VPS4A: variants seen among roughly 807,000 people sequenced by gnomAD.
VPS4A encodes the protein vacuolar protein sorting 4 homolog A.
In VPS4A, 20 loss-of-function variants were observed where a neutral mutation model predicts 52.3. The observed-to-expected ratio is 0.38, with a 90% CI of 0.27 to 0.56. VPS4A has a LOEUF of 0.56. Ranked by LOEUF, VPS4A falls within the 20% of genes least tolerant of loss-of-function variation. VPS4A has a pLI of 0.72. For synonymous variants in VPS4A, 293 were observed against 227.7 expected, an observed-to-expected ratio of 1.29 and a Z score of -2.58; for missense variants, 419 against 575.9, an observed-to-expected ratio of 0.73 and a Z score of 2.79.
chr16:69,320,614 G>A lies in VPS4A; in HGVS notation c.770-74G>A, dbSNP rs770980544. 5.4e-5 allele frequency: 71 copies of A among 1,324,108 alleles called. No individual in the cohort carries two copies. Among genetic ancestry groups the A allele is most frequent in the South Asian group, 1.9e-4 (14 of 75,480 alleles). The allele number at this position is 1,324,108 out of a possible 1,614,324, so 82.0% of individuals were successfully genotyped here. On this transcript the variant is annotated intron_variant, in intron 7 of 10. Transcript: ENST00000254950. This position sits in a 1 kb window ranked among gnomAD's most constrained non-coding sequence, Gnocchi z 4.2. The stretch of plus-strand genomic sequence containing the variant: ...TCAATTGCTGACACACAAAGCCCCC[G>A]GGGTCTGTCCCCAGGTTTCAACTGA...
chr16:69,321,416 T>G lies in VPS4A; in HGVS notation c.1071+146T>G. 1.1e-5 allele frequency: 9 copies of G among 848,144 alleles called. No homozygotes were observed. In the South Asian group the frequency reaches 1.2e-4, roughly 12 times the overall value. The allele number at this position is 848,144 out of a possible 1,614,324, so 52.5% of individuals were successfully genotyped here. On this transcript the variant is annotated intron_variant, in intron 9 of 10. Transcript: ENST00000254950. This position sits in a 1 kb window ranked among gnomAD's most constrained non-coding sequence, Gnocchi z 4.5. The stretch of plus-strand genomic sequence containing the variant: ...CCTGGAGAGCCGAGGGCCAGTGCCA[T>G]GGGGGCTGCACCCACTGTCCCCTCC...
At position 69,318,802 on chromosome 16, in the gene VPS4A, G is replaced by C. The variant is rs764224645; in HGVS notation, c.344-21G>C. On this transcript the variant is annotated intron_variant, in intron 4 of 10. Transcript: ENST00000254950. ...ATGCCCCTTGGCCGGGCCCGGGCCCGGGCCGGCCTCCCTCTCGCAGGTGCC... is the reference window on the plus strand; with the variant it reads ...ATGCCCCTTGGCCGGGCCCGGGCCCCGGCCGGCCTCCCTCTCGCAGGTGCC... The C allele has an allele frequency of 6.8e-6, 11 of 1,611,742 alleles. No homozygotes were observed. In the Admixed American group the frequency reaches 1.2e-4, roughly 17 times the overall value.
In VPS4A at chr16:69,322,673, C is replaced by A; in HGVS notation, c.1185C>A (p.Asp395Glu). 1 of 1,613,784 alleles carries A rather than the reference C, an allele frequency of 6.2e-7. No individual in the cohort carries two copies. Among genetic ancestry groups the A allele is most frequent in the Non-Finnish European group, 8.5e-7 (1 of 1,179,766 alleles). The change falls in exon 10 of 11, where the codon GAC (aspartate) becomes GAA (glutamate). Residue 395 changes from aspartate to glutamate, a missense_variant. Asp to Glu is a conservative substitution (Grantham distance 45). Transcript: ENST00000254950. ...MEMTWMDVPG[D>E]KLLEPVVCMS... ...TGACTTGGATGGATGTCCCTGGGGA[C>A]AAACTCTTAGAGCCTGTGGTTTGCA...
chr16:69,320,427 G>C lies in VPS4A; in HGVS notation c.769+138G>C, dbSNP rs1965496527. On this transcript the variant is annotated intron_variant, in intron 7 of 10. Coordinates refer to ENST00000254950, the MANE Select transcript of VPS4A (RefSeq NM_013245.3). This position sits in a 1 kb window ranked among gnomAD's most constrained non-coding sequence, Gnocchi z 4.2. Reference sequence around the variant, plus strand: ...CCAGCTCCAGCCCCTCAGGGCACGGGTGGACTTCAATTCCCAAGAGGTGCC... The same window carrying C: ...CCAGCTCCAGCCCCTCAGGGCACGGCTGGACTTCAATTCCCAAGAGGTGCC... 3 of 1,294,596 alleles carry C rather than the reference G, an allele frequency of 2.3e-6. No individual in the cohort carries two copies. In the South Asian group the frequency reaches 4.5e-5, roughly 19 times the overall value. The allele number at this position is 1,294,596 out of a possible 1,614,324, so 80.2% of individuals were successfully genotyped here.
In VPS4A at chr16:69,320,033, C is replaced by T; in HGVS notation, c.621-108C>T. 3 of 1,425,240 alleles carry T rather than the reference C, an allele frequency of 2.1e-6. No individual in the cohort carries two copies. The highest frequency in any genetic ancestry group is 2.8e-6 in the Non-Finnish European group (3 of 1,060,102). 88.3% of individuals were successfully genotyped at this position (1,425,240 alleles called of 1,614,324 possible). On this transcript the variant is annotated intron_variant, in intron 6 of 10. Transcript: ENST00000254950. This position sits in a 1 kb window ranked among gnomAD's most constrained non-coding sequence, Gnocchi z 4.2. ...CACGTTTTCCGCAATTCCGGCATGA[C>T]CGTGGCCTGCGCCTCCCTGTGGGAA...
At chr16:69,313,984 TC>T (rs1299846036) in intron 1 of VPS4A, among the ~76,000 whole-genome samples, 1 of 144,482 alleles carries the variant, frequency 6.9e-6, no homozygotes, top group Non-Finnish European at 1.5e-5. Context: ...TCCAGTGCAC[TC>T]TTTTTTTTTT....
chr16:69,322,782 TCTC>T (rs1965530060), intron 10 of VPS4A, 82 bp downstream of exon 10: 1 of 1,511,314 alleles, frequency 6.6e-7, no homozygotes, highest in Non-Finnish European at 8.9e-7. Flanking sequence ...AAAACGGTCT[TCTC>T]CAGGCCAGGC....
At chr16:69,312,751 T>TA (rs1965391964) in intron 1 of VPS4A, among the ~76,000 whole-genome samples, 1 of 152,002 alleles carries the variant, frequency 6.6e-6, no homozygotes, top group Admixed American at 6.6e-5. Flanking sequence ...TAGCTGGGAT[T>TA]ACGGGCACCC....
In VPS4A at chr16:69,321,447, G is replaced by C; in HGVS notation, c.1071+177G>C. ...CTGCACCCACTGTCCCCTCCCTGCA[G>C]CTCTTCTGGAGTGTGGCCATCTCAG... On this transcript the variant is annotated intron_variant, in intron 9 of 10. Coordinates refer to ENST00000254950, the MANE Select transcript of VPS4A (RefSeq NM_013245.3). The surrounding 1 kb of genome is among the most constrained non-coding windows in gnomAD (Gnocchi z 4.5). 1.5e-6 allele frequency: 1 copy of C among 676,390 alleles called. No homozygotes were observed. The highest frequency in any genetic ancestry group is 2.5e-6 in the Non-Finnish European group (1 of 404,036). The allele number at this position is 676,390 out of a possible 1,614,324, so 41.9% of individuals were successfully genotyped here. A position where few individuals can be genotyped will look rare whatever the true frequency, so the allele number is the denominator to read the frequency against.
In VPS4A at chr16:69,324,259, G is replaced by A. The variant is rs1268233174; in HGVS notation, c.1264G>A (p.Asp422Asn). Residue 422 changes from aspartate to asparagine, a missense_variant, in exon 11 of 11, where the codon GAC becomes AAC. Around this residue, in one of 3 missense-constraint regions of VPS4A, gnomAD observed 185 missense variants for 200.2 expected, o/e 0.92. Coordinates refer to ENST00000254950, the MANE Select transcript of VPS4A (RefSeq NM_013245.3). Reference sequence around the variant, plus strand: ...CACCCGGCCCACGGTGAATGCAGACGACCTCCTGAAAGTGAAGAAATTCTC... The same window carrying A: ...CACCCGGCCCACGGTGAATGCAGACAACCTCCTGAAAGTGAAGAAATTCTC... ...ATTRPTVNADDLLKVKKFSED... is the reference protein window; with the variant it reads ...ATTRPTVNADNLLKVKKFSED... The A allele has an allele frequency of 1.2e-6, 2 of 1,613,924 alleles. No individual in the cohort carries two copies. Among genetic ancestry groups the A allele is most frequent in the Admixed American group, 1.7e-5 (1 of 60,016 alleles).
In VPS4A at chr16:69,321,372, GAC is replaced by G. The variant is rs1172103081; in HGVS notation, c.1071+106_1071+107del. ...GGTCCTGCTCCCCGGCTGCTCAGGT[GAC>G]ACAGTCTCTGAGGCCTCCTGGAGAG... is the stretch of plus-strand genomic sequence containing the variant. On this transcript the variant is annotated intron_variant, in intron 9 of 10. Coordinates refer to ENST00000254950, the MANE Select transcript of VPS4A (RefSeq NM_013245.3). The surrounding 1 kb of genome is among the most constrained non-coding windows in gnomAD (Gnocchi z 4.5). 1.4e-5 allele frequency: 19 copies of G among 1,331,840 alleles called. No homozygotes were observed. Among genetic ancestry groups the G allele is most frequent in the Admixed American group, 6.2e-5 (3 of 48,048 alleles). 82.5% of individuals were successfully genotyped at this position (1,331,840 alleles called of 1,614,324 possible).
chr16:69,320,413 C>T lies in VPS4A; in HGVS notation c.769+124C>T. The T allele has an allele frequency of 7.1e-7, 1 of 1,399,222 alleles. No individual in the cohort carries two copies. Among genetic ancestry groups the T allele is most frequent in the Non-Finnish European group, 9.7e-7 (1 of 1,033,138 alleles). The allele number at this position is 1,399,222 out of a possible 1,614,324, so 86.7% of individuals were successfully genotyped here. A position where few individuals can be genotyped will look rare whatever the true frequency, so the allele number is the denominator to read the frequency against. On this transcript the variant is annotated intron_variant, in intron 7 of 10. Coordinates refer to ENST00000254950, the MANE Select transcript of VPS4A (RefSeq NM_013245.3). The surrounding 1 kb of genome is among the most constrained non-coding windows in gnomAD (Gnocchi z 4.2). ...CGGAGAGGCACTCCCCAGCTCCAGC[C>T]CCTCAGGGCACGGGTGGACTTCAAT...
rs1965510876 is a variant in VPS4A at position 69,321,460 on chromosome 16, G to A, written c.1071+190G>A. 4.7e-6 allele frequency: 3 copies of A among 644,076 alleles called. No homozygotes were observed. The highest frequency in any genetic ancestry group is 8.0e-6 in the Non-Finnish European group (3 of 377,134). 39.9% of individuals were successfully genotyped at this position (644,076 alleles called of 1,614,324 possible). On this transcript the variant is annotated intron_variant, in intron 9 of 10. Transcript: ENST00000254950. The surrounding 1 kb of genome is among the most constrained non-coding windows in gnomAD (Gnocchi z 4.5). ...CCCCTCCCTGCAGCTCTTCTGGAGTGTGGCCATCTCAGGGTGTGTGAAAGC... is the reference window on the plus strand; with the variant it reads ...CCCCTCCCTGCAGCTCTTCTGGAGTATGGCCATCTCAGGGTGTGTGAAAGC...
In VPS4A at chr16:69,316,255, G is replaced by A. The variant is rs1287016570; in HGVS notation, c.164G>A (p.Ser55Asn). ...GCCCACAGCGACAAGGCCAAGGAGA[G>A]CATTCGAGCCAAGTGCGTGCAGTAC... ...YEAHSDKAKE[S>N]IRAKCVQYLD... Residue 55 changes from serine to asparagine, a missense_variant, in exon 3 of 11, where the codon AGC (serine) becomes AAC (asparagine). Physicochemically the swap from Ser to Asn is conservative, Grantham distance 46 (BLOSUM62 1). This residue lies in a region of VPS4A where 131 missense variants were observed against 165.4 expected (regional missense o/e 0.79). Transcript: ENST00000254950. The A allele has an allele frequency of 3.7e-6, 6 of 1,613,754 alleles. No homozygotes were observed. Among genetic ancestry groups the A allele is most frequent in the African/African-American group, 2.7e-5 (2 of 75,030 alleles).
In VPS4A at chr16:69,311,425, C is replaced by T. The variant is rs1048018845; in HGVS notation, c.-87C>T. 8.2e-7 allele frequency: 1 copy of T among 1,217,054 alleles called. No individual in the cohort carries two copies. The highest frequency in any genetic ancestry group is 1.6e-5 in the African/African-American group (1 of 63,122). The allele number at this position is 1,217,054 out of a possible 1,614,324, so 75.4% of individuals were successfully genotyped here. ...GCTCAGCGCCCACCGCCGGGCTTCC[C>T]GCGCCGGACCCAGTACCTCGGCTCC... On this transcript the variant is annotated 5_prime_UTR_variant, in exon 1 of 11. Coordinates refer to ENST00000254950, the MANE Select transcript of VPS4A (RefSeq NM_013245.3).
Position 69,322,590 on chromosome 16 carries a change from A to G in VPS4A, c.1102A>G (p.Met368Val). 6.2e-7 allele frequency: 1 copy of G among 1,613,784 alleles called. No homozygotes were observed. The highest frequency in any genetic ancestry group is 1.1e-5 in the South Asian group (1 of 91,060). The change falls in exon 10 of 11, where the codon ATG becomes GTG. Residue 368 changes from methionine to valine, a missense_variant. Physicochemically the swap from Met to Val is conservative, Grantham distance 21. Transcript: ENST00000254950. ...TGGCCCCTCTCGCACCAACCCCAGC[A>G]TGATGATTGATGACCTCCTGACTCC... ...VCGPSRTNPS[M>V]MIDDLLTPCS...
At chr16:69,323,679 G>T (rs904263167) in intron 10 of VPS4A, 1 of 455,330 alleles carries the variant, frequency 2.2e-6, no homozygotes, top group South Asian at 1.6e-5. Flanking sequence ...GCCGGGCGCC[G>T]TGGCTCCCGC....
Position 69,321,586 on chromosome 16 carries a change from T to A in VPS4A, c.1071+316T>A, listed in dbSNP as rs547770411. The A allele has an allele frequency of 1.1e-5, 4 of 379,960 alleles. No homozygotes were observed. The highest frequency in any genetic ancestry group is 6.1e-5 in the African/African-American group (3 of 49,126). 23.5% of individuals were successfully genotyped at this position (379,960 alleles called of 1,614,324 possible). On this transcript the variant is annotated intron_variant, in intron 9 of 10. Coordinates refer to ENST00000254950, the MANE Select transcript of VPS4A (RefSeq NM_013245.3). This position sits in a 1 kb window ranked among gnomAD's most constrained non-coding sequence, Gnocchi z 4.5. Reference sequence around the variant, plus strand: ...GGACACCAAATCAGTGTTTGGAAAGTGTTGGATATAAAATGACCAGGAAGA... The same window carrying A: ...GGACACCAAATCAGTGTTTGGAAAGAGTTGGATATAAAATGACCAGGAAGA...
At position 69,320,429 on chromosome 16, in the gene VPS4A, G is replaced by A. The variant is rs1040044177; in HGVS notation, c.769+140G>A. The A allele has an allele frequency of 3.8e-5, 48 of 1,269,192 alleles. No homozygotes were observed. The highest frequency in any genetic ancestry group is 2.8e-4 in the Middle Eastern group (1 of 3,590). 78.6% of individuals were successfully genotyped at this position (1,269,192 alleles called of 1,614,324 possible). A position where few individuals can be genotyped will look rare whatever the true frequency, so the allele number is the denominator to read the frequency against. On this transcript the variant is annotated intron_variant, in intron 7 of 10. Transcript: ENST00000254950. This position sits in a 1 kb window ranked among gnomAD's most constrained non-coding sequence, Gnocchi z 4.2. ...AGCTCCAGCCCCTCAGGGCACGGGT[G>A]GACTTCAATTCCCAAGAGGTGCCTG...
Sources: allele counts gnomAD v4.1 joint callset (sites outside exome capture counted in the v4.1 genomes callset), GRCh38; gene constraint gnomAD v4.1.1; regional missense constraint gnomAD v4.1.1; non-coding constraint Gnocchi (gnomAD v3.1); transcripts MANE v1.5; gene names NCBI Gene and HGNC (gene_info 2026-07-23, HGNC 2026-07-21).